MIDEAS: variants seen among roughly 807,000 people sequenced by gnomAD.
MIDEAS encodes the protein mitotic deacetylase associated SANT domain protein.
Under a neutral mutation model 102.7 loss-of-function variants are expected in MIDEAS, and 26 were observed. That is an observed-to-expected ratio of 0.25 (90% confidence interval 0.19 to 0.35). MIDEAS has a LOEUF of 0.35. MIDEAS is among the 10% of genes least tolerant of loss of function. The probability of loss-of-function intolerance (pLI) is 1.00; values close to 1 mark genes in which losing one functional copy is unlikely to be tolerated. For missense variants in MIDEAS, 1,231 were observed against 1,435.6 expected, an observed-to-expected ratio of 0.86 and a Z score of 2.30; for synonymous variants, 585 against 591.0, an observed-to-expected ratio of 0.99 and a Z score of 0.15.
At position 73,738,724 on chromosome 14, in the gene MIDEAS, C is replaced by T; in HGVS notation, c.1285G>A (p.Gly429Ser). The change falls in exon 2 of 13, where the codon GGC becomes AGC. Residue 429 changes from glycine to serine, a missense_variant. Transcript: ENST00000423556. ...NGREREAPAM[G>S]SEEGMRAVST... is the part of the protein sequence containing the mutation. ...ACTGCCCTCATGCCCTCCTCGCTGC[C>T]CATGGCAGGAGCCTCTCGCTCCCGG... 1.6e-5 allele frequency: 26 copies of T among 1,613,112 alleles called. No homozygotes were observed. The highest frequency in any genetic ancestry group is 2.2e-5 in the Non-Finnish European group (26 of 1,179,568).
chr14:73,780,627 G>A (rs1566612352), intron 1 of MIDEAS, among the ~76,000 whole-genome samples: 1 of 152,218 alleles, frequency 6.6e-6, no homozygotes, highest in Non-Finnish European at 1.5e-5. Context: ...AATGGCCGGT[G>A]AGGACAGTTG....
chr14:73,777,555 T>C (rs2053702927), intron 1 of MIDEAS, among the ~76,000 whole-genome samples: 2 of 151,968 alleles, frequency 1.3e-5, no homozygotes, highest in African/African-American at 4.8e-5. Context: ...CCCCACCACT[T>C]GCAGTCCCCA....
At chr14:73,749,058 C>A (rs151304243) in intron 1 of MIDEAS, among the ~76,000 whole-genome samples, 40 of 152,110 alleles carry the variant, frequency 2.6e-4, no homozygotes, top group African/African-American at 9.6e-4. Context: ...CTTTCAACAA[C>A]GAACAGTACG....
At chr14:73,735,070 T>A (rs1265046061) in intron 3 of MIDEAS, among the ~76,000 whole-genome samples, 1 of 151,970 alleles carries the variant, frequency 6.6e-6, no homozygotes, top group African/African-American at 2.4e-5. Context: ...CAAAGAAACA[T>A]AAAGTAGAAT....
chr14:73,773,494 T>A (rs370463623), intron 1 of MIDEAS, among the ~76,000 whole-genome samples: 1 of 151,728 alleles, frequency 6.6e-6, no homozygotes. Context: ...TCCCTGGACA[T>A]CAACCCACTC....
Position 73,738,648 on chromosome 14 carries a change from G to T in MIDEAS, c.1361C>A (p.Thr454Lys). 6.2e-7 allele frequency: 1 copy of T among 1,613,600 alleles called. No homozygotes were observed. Among genetic ancestry groups the T allele is most frequent in the Non-Finnish European group, 8.5e-7 (1 of 1,179,846 alleles). The change falls in exon 2 of 13, where the codon ACG becomes AAG. Residue 454 changes from threonine to lysine, a missense_variant. Physicochemically the swap from Thr to Lys is moderately conservative, Grantham distance 78. Coordinates refer to ENST00000423556, the MANE Select transcript of MIDEAS (RefSeq NM_001367710.1). ...QVLRGGVIQS[T>K]RRRRRASQEA... ...CTGGGATGCCCGGCGCCTCCGTCGC[G>T]TGCTCTGGATCACTCCGCCCCGTAG...
chr14:73,780,542 C>T (rs1483379659), intron 1 of MIDEAS, among the ~76,000 whole-genome samples: 1 of 152,224 alleles, frequency 6.6e-6, no homozygotes, highest in East Asian at 1.9e-4. Context: ...AGGCTTGAAG[C>T]CTCCTGGGGG....
At chr14:73,724,235 AGGCTC>A (rs1179840529) in intron 9 of MIDEAS, 1 of 152,130 alleles carries the variant, frequency 6.6e-6, no homozygotes, top group Non-Finnish European at 1.5e-5. Context: ...ACCACCACAC[AGGCTC>A]GCACATTGCT....
intron 4 of MIDEAS, chr14:73,727,835 T>C (rs903807749): frequency 2.4e-5 from 7 of 288,992 alleles, no homozygotes; most frequent in Admixed American, 1.9e-4. Context: ...TTATTACTGC[T>C]TCTACTACCA....
At chr14:73,720,124 G>A (rs79442823) in intron 11 of MIDEAS, among the ~76,000 whole-genome samples, 18,684 of 152,058 alleles carry the variant, frequency 0.12, 1,380 homozygotes, top group South Asian at 0.25. Context: ...TCTGTAGAGC[G>A]CTACACAGAG....
intron 12 of MIDEAS, 64 bp downstream of exon 12, chr14:73,719,241 A>ACCCCCG: frequency 2.9e-6 from 1 of 350,420 alleles, no homozygotes; most frequent in Non-Finnish European, 4.2e-6. Context: ...CCTCCACCCC[A>ACCCCCG]CCCCCGCCCC....
chr14:73,771,369 G>A (rs114233851), intron 1 of MIDEAS, among the ~76,000 whole-genome samples: 1,772 of 152,294 alleles, frequency 0.012, 40 homozygotes, highest in African/African-American at 0.041. Flanking sequence ...CTCAAGGTAC[G>A]CCGGGGGCTC....
At chr14:73,730,135 G>C (rs2053119770) in intron 3 of MIDEAS, 150 bp from the exon 4 acceptor site, 1 of 830,008 alleles carries the variant, frequency 1.2e-6, no homozygotes, top group Non-Finnish European at 2.0e-6. Context: ...AGGTCCAAAA[G>C]CCCTTTTTAT....
rs1189819448 is a variant in MIDEAS, at chr14:73,719,370, T to C, written c.3069A>G (p.Lys1023=). The change falls in exon 12 of 13, where the codon AAA becomes AAG. Residue 1023 remains lysine, a synonymous_variant. Coordinates refer to ENST00000423556, the MANE Select transcript of MIDEAS (RefSeq NM_001367710.1). The part of the protein sequence containing the change: ...RRALPFSEKK[K]KTETFSKTQN... The stretch of plus-strand genomic sequence containing the variant: ...GGGTCTTACTGAATGTCTCTGTTTT[T>C]TTCTTCTTCTCTGAAAAAGGTAGTG... The C allele has an allele frequency of 1.1e-5, 18 of 1,613,948 alleles. No homozygotes were observed. The highest frequency in any genetic ancestry group is 1.5e-5 in the Non-Finnish European group (18 of 1,179,982).
Position 73,739,160 on chromosome 14 carries a change from C to G in MIDEAS, c.849G>C (p.Gln283His), listed in dbSNP as rs1201064356. Residue 283 changes from glutamine (Q) to histidine (H), a missense_variant, in exon 2 of 13, where the codon CAG becomes CAC. Around this residue, in one of 5 missense-constraint regions of MIDEAS, gnomAD observed 758 missense variants for 856.0 expected, o/e 0.89. Coordinates refer to ENST00000423556, the MANE Select transcript of MIDEAS (RefSeq NM_001367710.1). Reference sequence around the variant, plus strand: ...GCTGCAGGCCAAAGTCCTGGGGTTGCTGCGAGGGTTGCTGCGGCATGGAAT... The same window carrying G: ...GCTGCAGGCCAAAGTCCTGGGGTTGGTGCGAGGGTTGCTGCGGCATGGAAT... ...NFYSMPQQPS[Q>H]QPQDFGLQPA... 1 of 1,613,824 alleles carries G rather than the reference C, an allele frequency of 6.2e-7. No individual in the cohort carries two copies. The highest frequency in any genetic ancestry group is 8.5e-7 in the Non-Finnish European group (1 of 1,179,848).
At chr14:73,772,789 G>A (rs2053652891) in intron 1 of MIDEAS, among the ~76,000 whole-genome samples, 1 of 136,064 alleles carries the variant, frequency 7.3e-6, no homozygotes, top group Non-Finnish European at 1.6e-5. Context: ...ACAGCTTCAA[G>A]TTCTAGTGTG....
upstream of MIDEAS, among the ~76,000 whole-genome samples, chr14:73,764,339 C>CAAAAAAAAAAAAAAA (rs5809629): frequency 1.1e-5 from 1 of 88,256 alleles, no homozygotes; most frequent in Non-Finnish European, 2.2e-5. Flanking sequence ...GACCCTGTCT[C>CAAAAAAAAAAAAAAA]AAAAAAAAAA....
chr14:73,766,383 A>C (rs2053592382), intron 1 of MIDEAS, among the ~76,000 whole-genome samples: 1 of 152,244 alleles, frequency 6.6e-6, no homozygotes, highest in Admixed American at 6.5e-5. Context: ...GTGAATATTT[A>C]AAGTAAGCAA....
upstream of MIDEAS, among the ~76,000 whole-genome samples, chr14:73,789,536 ATGT>A (rs1475034043): frequency 2.0e-5 from 3 of 152,256 alleles, no homozygotes; most frequent in East Asian, 5.8e-4. Flanking sequence ...AAGATAATAA[ATGT>A]TGTCTTAAGC....
Sources: allele counts gnomAD v4.1 joint callset (sites outside exome capture counted in the v4.1 genomes callset), GRCh38; gene constraint gnomAD v4.1.1; regional missense constraint gnomAD v4.1.1; transcripts MANE v1.5; gene names NCBI Gene and HGNC (gene_info 2026-07-23, HGNC 2026-07-21).